Variants in COX10 observed in about 807,000 individuals in gnomAD.
COX10 encodes cytochrome c oxidase assembly factor heme A:farnesyltransferase COX10.
In COX10, 27 loss-of-function variants were observed where a neutral mutation model predicts 37.3. The ratio of observed to expected loss-of-function variants is 0.72; its 90% confidence interval spans 0.53 to 1.00. The LOEUF (loss-of-function observed/expected upper bound fraction) is 1.00. COX10 is among the 50% of genes least tolerant of loss of function. The pLI is 0.00. For synonymous variants in COX10, 222 were observed against 229.1 expected, an observed-to-expected ratio of 0.97 and a Z score of 0.28; for missense variants, 475 against 563.2, an observed-to-expected ratio of 0.84 and a Z score of 1.59.
At chr17:14,117,484 C>G (rs535149426) in intron 4 of COX10, among the ~76,000 whole-genome samples, 2 of 152,270 alleles carry the variant, frequency 1.3e-5, no homozygotes, top group African/African-American at 4.8e-5. Context: ...TTGTTTCTGA[C>G]TCATTATTCC....
intron 4 of COX10, among the ~76,000 whole-genome samples, chr17:14,148,140 G>A (rs1247157562): frequency 6.7e-6 from 1 of 148,684 alleles, no homozygotes; most frequent in East Asian, 1.9e-4. Context: ...AGCCTAGTGA[G>A]AGAGGGCCTG....
At chr17:14,115,824 G>T (rs1419200065) in intron 4 of COX10, among the ~76,000 whole-genome samples, 2 of 152,126 alleles carry the variant, frequency 1.3e-5, no homozygotes, top group Non-Finnish European at 2.9e-5. Flanking sequence ...TAAATAATGT[G>T]TACACATGGC....
intron 5 of COX10, among the ~76,000 whole-genome samples, chr17:14,166,200 C>A (rs1262812890): frequency 6.6e-6 from 1 of 152,200 alleles, no homozygotes; most frequent in Admixed American, 6.5e-5. Context: ...AAGATGCCAT[C>A]TAGGACTTTG....
At chr17:14,096,378 CTTTTTTTTTTTT>C (rs56125769) in intron 3 of COX10, among the ~76,000 whole-genome samples, 1 of 88,824 alleles carries the variant, frequency 1.1e-5, no homozygotes, top group Admixed American at 1.3e-4. Flanking sequence ...TTTTTTTTTT[CTTTTTTTTTTTT>C]TTTTGAGCTG....
intron 3 of COX10, among the ~76,000 whole-genome samples, chr17:14,082,946 G>T (rs564350596): frequency 6.6e-6 from 1 of 152,142 alleles, no homozygotes; most frequent in Non-Finnish European, 1.5e-5. Flanking sequence ...GGTAGGCAGC[G>T]AGTACTAGTC....
At position 14,207,125 on chromosome 17, in the gene COX10, G is replaced by C. The variant is rs769644267; in HGVS notation, c.1244G>C (p.Ser415Thr). ...AGCTCGCGGAGACTGTTCTTCTGCA[G>C]CCTGTGGCACCTGCCGCTGCTGCTG... Reference protein sequence around the residue: ...RRSSRRLFFCSLWHLPLLLLL... With the variant: ...RRSSRRLFFCTLWHLPLLLLL... Residue 415 changes from serine (S) to threonine (T), a missense_variant, in exon 7 of 7, where the codon AGC (serine) becomes ACC (threonine). Coordinates refer to ENST00000261643, the MANE Select transcript of COX10 (RefSeq NM_001303.4). 1 of 1,612,728 alleles carries C rather than the reference G, an allele frequency of 6.2e-7. No homozygotes were observed. The highest frequency in any genetic ancestry group is 8.5e-7 in the Non-Finnish European group (1 of 1,179,908).
intron 3 of COX10, among the ~76,000 whole-genome samples, chr17:14,089,353 G>A (rs973462497): frequency 3.9e-5 from 6 of 152,206 alleles, no homozygotes; most frequent in Non-Finnish European, 8.8e-5. Flanking sequence ...TCCATTAGTG[G>A]TTGTGGATGT....
Position 14,207,009 on chromosome 17 carries a change from C to G in COX10, c.1128C>G (p.Ile376Met). The change falls in exon 7 of 7, where the codon ATC (isoleucine) becomes ATG (methionine). Residue 376 changes from isoleucine to methionine, a missense_variant. Around this residue, in one of 5 missense-constraint regions of COX10, gnomAD observed 160 missense variants for 180.6 expected, o/e 0.89. Transcript: ENST00000261643. ...VLSAAAPVLD[I>M]TTWTFPIMAL... is the part of the protein sequence containing the mutation. ...CCGCAGCAGCCCCTGTGCTGGACAT[C>G]ACCACATGGACCTTCCCCATCATGG... 6.2e-7 allele frequency: 1 copy of G among 1,614,090 alleles called. No homozygotes were observed. Among genetic ancestry groups the G allele is most frequent in the Non-Finnish European group, 8.5e-7 (1 of 1,179,930 alleles).
At chr17:14,165,492 G>T (rs1473842466) in intron 5 of COX10, among the ~76,000 whole-genome samples, 1 of 152,178 alleles carries the variant, frequency 6.6e-6, no homozygotes, top group East Asian at 1.9e-4. Context: ...TCGATAAGTG[G>T]TTGTGTGTGT....
At chr17:14,082,712 T>C (rs1164988230) in intron 3 of COX10, among the ~76,000 whole-genome samples, 1 of 152,192 alleles carries the variant, frequency 6.6e-6, no homozygotes, top group Non-Finnish European at 1.5e-5. Flanking sequence ...TAGTGCATAC[T>C]GTGATGTATA....
intron 3 of COX10, among the ~76,000 whole-genome samples, chr17:14,085,696 A>C (rs887583324): frequency 6.6e-6 from 1 of 152,150 alleles, no homozygotes; most frequent in Admixed American, 6.5e-5. Flanking sequence ...ATAATAAATA[A>C]GCTAAATCTA....
At chr17:14,123,441 T>C (rs190076906) in intron 4 of COX10, among the ~76,000 whole-genome samples, 150 of 152,320 alleles carry the variant, frequency 9.8e-4, no homozygotes, top group Middle Eastern at 3.4e-3. Context: ...GGCAATATTA[T>C]TGATGTGTGA....
intron 6 of COX10, among the ~76,000 whole-genome samples, chr17:14,198,892 G>C (rs1205997347): frequency 6.6e-6 from 1 of 152,086 alleles, no homozygotes; most frequent in Non-Finnish European, 1.5e-5. Flanking sequence ...CTGTGTCTGT[G>C]TTCACTTTGT....
At chr17:14,148,533 C>T (rs1904797068) in intron 4 of COX10, among the ~76,000 whole-genome samples, 2 of 152,104 alleles carry the variant, frequency 1.3e-5, no homozygotes, top group South Asian at 4.1e-4. Context: ...TTGTTGACAG[C>T]GTTGAGAAGA....
chr17:14,077,007 G>A lies in COX10; in HGVS notation c.450G>A (p.Val150=), dbSNP rs1915171814. The A allele has an allele frequency of 1.2e-6, 2 of 1,613,634 alleles. No individual in the cohort carries two copies. Among genetic ancestry groups the A allele is most frequent in the Non-Finnish European group, 1.7e-6 (2 of 1,179,900 alleles). ...GGTGGAAAGAGATGAAGCTGCAAGTGTATGATTTGCCAGGAATTTTGGCTC... is the reference window on the plus strand; with the variant it reads ...GGTGGAAAGAGATGAAGCTGCAAGTATATGATTTGCCAGGAATTTTGGCTC... The part of the protein sequence containing the change: ...EKRWKEMKLQ[V]YDLPGILARL... Residue 150 remains valine (V), a synonymous_variant, in exon 3 of 7, where the codon GTG becomes GTA. Transcript: ENST00000261643.
At chr17:14,127,606 C>T (rs1367559487) in intron 4 of COX10, among the ~76,000 whole-genome samples, 3 of 152,058 alleles carry the variant, frequency 2.0e-5, no homozygotes, top group Non-Finnish European at 4.4e-5. Flanking sequence ...AGCAAAGAAT[C>T]AATATTGCAC....
chr17:14,148,144 G>A (rs1904780199), intron 4 of COX10, among the ~76,000 whole-genome samples: 1 of 148,618 alleles, frequency 6.7e-6, no homozygotes, highest in Admixed American at 6.6e-5. Context: ...TAGTGAGAGA[G>A]GGCCTGAGTA....
Position 14,102,134 on chromosome 17 carries a change from C to T in COX10, c.516C>T (p.Thr172=), listed in dbSNP as rs758296972. The T allele has an allele frequency of 3.1e-6, 5 of 1,613,582 alleles. No individual in the cohort carries two copies. The highest frequency in any genetic ancestry group is 1.1e-5 in the South Asian group (1 of 91,082). The change falls in exon 4 of 7, where the codon ACC becomes ACT. Residue 172 remains threonine (T), a synonymous_variant. Coordinates refer to ENST00000261643, the MANE Select transcript of COX10 (RefSeq NM_001303.4). The part of the protein sequence containing the change: ...KIKLTALVVS[T]TAAGFALAPG... ...GTATCGCAGCTCTGGTTGTAAGTACCACTGCAGCTGGATTTGCATTGGCTC... is the reference window on the plus strand; with the variant it reads ...GTATCGCAGCTCTGGTTGTAAGTACTACTGCAGCTGGATTTGCATTGGCTC...
At chr17:14,200,026 G>T (rs1906500064) in intron 6 of COX10, among the ~76,000 whole-genome samples, 1 of 152,232 alleles carries the variant, frequency 6.6e-6, no homozygotes, top group African/African-American at 2.4e-5. Flanking sequence ...CAGCACCAAG[G>T]TTCACTGGAG....
Sources: allele counts gnomAD v4.1 joint callset (sites outside exome capture counted in the v4.1 genomes callset), GRCh38; gene constraint gnomAD v4.1.1; regional missense constraint gnomAD v4.1.1; transcripts MANE v1.5; gene names NCBI Gene and HGNC (gene_info 2026-07-23, HGNC 2026-07-21).